Variants in COL4A2 observed in about 807,000 individuals in gnomAD.
COL4A2 encodes collagen alpha-2(IV) chain.
COL4A2 carries 99 observed loss-of-function variants against 200.2 expected under a neutral mutation model. That is an observed-to-expected ratio of 0.49 (90% confidence interval 0.42 to 0.58). The LOEUF (loss-of-function observed/expected upper bound fraction) is 0.58. Among genes scored for constraint, COL4A2 ranks in the 20% least tolerant of loss-of-function variants. The pLI is 0.00. For missense variants in COL4A2, 1,950 were observed against 2,314.1 expected (o/e 0.84, Z 3.23); for synonymous variants, 897 against 900.6 (o/e 1.00, Z 0.07).
chr13:110,319,431 C>G (rs912842068), intron 3 of COL4A2, among the ~76,000 whole-genome samples: 4 of 152,138 alleles, frequency 2.6e-5, no homozygotes, highest in Admixed American at 6.5e-5. Flanking sequence ...ACTCAAGAGG[C>G]TTTGGTTTGG....
chr13:110,320,570 A>G (rs1473273538), intron 3 of COL4A2, among the ~76,000 whole-genome samples: 3 of 152,244 alleles, frequency 2.0e-5, no homozygotes, highest in Non-Finnish European at 4.4e-5. Context: ...GTTCCAGAAC[A>G]AGGAATGGGA....
chr13:110,485,763 CCGGT>C lies in COL4A2; in HGVS notation c.3135_3138del (p.Gly1046CysfsTer20), dbSNP rs774700041. 1 of 1,613,938 alleles carries C rather than the reference CCGGT, an allele frequency of 6.2e-7. No individual in the cohort carries two copies. Among genetic ancestry groups the C allele is most frequent in the Non-Finnish European group, 8.5e-7 (1 of 1,179,948 alleles). On this transcript the variant is annotated frameshift_variant, in exon 34 of 48. Transcript: ENST00000360467. LOFTEE classifies it high-confidence loss of function. ...GGAGACATCGGAGTCCCCGGCATCC[CCGGT>C]TTGCCAGGATTCCCTGGGGTGGCTG...
rs142885589 is a variant in COL4A2, at chr13:110,331,183, G to A, written c.99+23060G>A. Among the ~76,000 whole-genome samples, 901 of 152,152 alleles carry A rather than the reference G, an allele frequency of 5.9e-3. 1 individual carries two copies. The highest frequency in any genetic ancestry group is 9.9e-3 in the Non-Finnish European group (670 of 68,010). On this transcript the variant is annotated intron_variant, in intron 3 of 47. Coordinates refer to ENST00000360467, the MANE Select transcript of COL4A2 (RefSeq NM_001846.4). ...GGTCTTAAAATATGCCAATAAAATC[G>A]TGTGATAGTGCCAGGCCATTGCAAA...
intron 3 of COL4A2, among the ~76,000 whole-genome samples, chr13:110,313,002 G>A (rs778668756): frequency 2.6e-4 from 39 of 152,278 alleles, no homozygotes; most frequent in Admixed American, 1.7e-3. Context: ...CGGGGTCTCC[G>A]CTGTGATGCT....
At chr13:110,330,325 T>C (rs1004497221) in intron 3 of COL4A2, among the ~76,000 whole-genome samples, 2 of 152,108 alleles carry the variant, frequency 1.3e-5, no homozygotes, top group African/African-American at 4.8e-5. Flanking sequence ...AAGATACTGC[T>C]GTAACACGAT....
rs1320481147 is a variant in COL4A2 at position 110,501,781 on chromosome 13, A to G, written c.3874A>G (p.Lys1292Glu). 6.2e-7 allele frequency: 1 copy of G among 1,613,168 alleles called. No homozygotes were observed. The highest frequency in any genetic ancestry group is 8.5e-7 in the Non-Finnish European group (1 of 1,179,458). Residue 1292 changes from lysine (K) to glutamate (E), a missense_variant, in exon 41 of 48, where the codon AAA (lysine) becomes GAA (glutamate). Around this residue, in one of 2 missense-constraint regions of COL4A2, gnomAD observed 1,385 missense variants for 1,720.5 expected, o/e 0.80. Transcript: ENST00000360467. ...AGGGGCGCCAGGGATATTTGGCCTG[A>G]AAGGTAAGCAGGACTTATACATCTG... is the stretch of plus-strand genomic sequence containing the variant. ...DKGAPGIFGLKGYRGPPGPPG... is the reference protein window; with the variant it reads ...DKGAPGIFGLEGYRGPPGPPG...
chr13:110,451,174 G>C (rs1453928008), intron 20 of COL4A2, among the ~76,000 whole-genome samples: 1 of 152,160 alleles, frequency 6.6e-6, no homozygotes, highest in Non-Finnish European at 1.5e-5. Flanking sequence ...ACCTGTCTCA[G>C]GCAGCAGGGA....
chr13:110,504,185 A>G lies in COL4A2; in HGVS notation c.4323A>G (p.Gly1441=). 6.2e-7 allele frequency: 1 copy of G among 1,614,124 alleles called. No individual in the cohort carries two copies. Among genetic ancestry groups the G allele is most frequent in the Non-Finnish European group, 8.5e-7 (1 of 1,180,006 alleles). ...CTCCAGGGAAAGCTGGGCCCCAAGG[A>G]AGAGGTGGTGTGTCTGCTGTTCCCG... ...RGAPGKAGPQ[G]RGGVSAVPGF... is the part of the protein sequence containing the mutation. Residue 1441 remains glycine, a synonymous_variant, in exon 45 of 48, where the codon GGA becomes GGG. Transcript: ENST00000360467.
chr13:110,441,965 A>G (rs1302821565), intron 16 of COL4A2, among the ~76,000 whole-genome samples: 1 of 151,674 alleles, frequency 6.6e-6, no homozygotes, highest in Non-Finnish European at 1.5e-5. Flanking sequence ...TCATGCCTAT[A>G]ATTCCAGCTA....
At chr13:110,379,723 G>C (rs544896927) in intron 4 of COL4A2, among the ~76,000 whole-genome samples, 1 of 152,138 alleles carries the variant, frequency 6.6e-6, no homozygotes, top group African/African-American at 2.4e-5. Context: ...TGGCACCACC[G>C]TGTTTTATCT....
chr13:110,424,634 T>TAAAAAAA, intron 4 of COL4A2, 100 bp from the exon 5 acceptor site: 1 of 725,746 alleles, frequency 1.4e-6, no homozygotes, highest in South Asian at 2.2e-5. Flanking sequence ...TATAGCTCTT[T>TAAAAAAA]AAAAACAAAA....
chr13:110,504,290 C>T (rs1883765735), intron 45 of COL4A2, 26 bp downstream of exon 45: 1 of 1,554,702 alleles, frequency 6.4e-7, no homozygotes, highest in South Asian at 1.1e-5. Context: ...GAAGGACCTT[C>T]CCAGGTCCTA....
At chr13:110,362,298 C>T (rs577151723) in intron 4 of COL4A2, among the ~76,000 whole-genome samples, 12 of 152,238 alleles carry the variant, frequency 7.9e-5, no homozygotes, top group East Asian at 3.9e-4. Flanking sequence ...ATGATAAGTT[C>T]GATTCATTGA....
chr13:110,345,444 G>A (rs1057358414), intron 3 of COL4A2, among the ~76,000 whole-genome samples: 6 of 152,174 alleles, frequency 3.9e-5, no homozygotes, highest in African/African-American at 1.4e-4. Flanking sequence ...TTCCTGGGAA[G>A]CAGTGGGGTG....
At chr13:110,398,540 G>C (rs1475168496) in intron 4 of COL4A2, among the ~76,000 whole-genome samples, 1 of 152,036 alleles carries the variant, frequency 6.6e-6, no homozygotes. Flanking sequence ...TTAGTTTAGT[G>C]GTTTTAGATT....
chr13:110,444,890 G>A (rs1446345620), intron 16 of COL4A2, among the ~76,000 whole-genome samples: 1 of 152,184 alleles, frequency 6.6e-6, no homozygotes, highest in African/African-American at 2.4e-5. Flanking sequence ...TTGCTGTGTT[G>A]CCCAGGCTGG....
Position 110,480,373 on chromosome 13 carries a change from G to A in COL4A2, c.2741G>A (p.Gly914Glu). ...TTTAAAGGAATTGATGGAATGCCTGGGACCCCCGGGCTAAAAGGTAATTGT... is the reference window on the plus strand; with the variant it reads ...TTTAAAGGAATTGATGGAATGCCTGAGACCCCCGGGCTAAAAGGTAATTGT... ...PGFKGIDGMP[G>E]TPGLKGDRGS... The change falls in exon 31 of 48, where the codon GGG becomes GAG. Residue 914 changes from glycine (G) to glutamate (E), a missense_variant. This residue lies in a region of COL4A2 where 1,385 missense variants were observed against 1,720.5 expected (regional missense o/e 0.80). Transcript: ENST00000360467. 1 of 1,612,076 alleles carries A rather than the reference G, an allele frequency of 6.2e-7. No homozygotes were observed. Among genetic ancestry groups the A allele is most frequent in the Non-Finnish European group, 8.5e-7 (1 of 1,179,196 alleles).
intron 3 of COL4A2, among the ~76,000 whole-genome samples, chr13:110,332,618 G>A (rs571901446): frequency 3.6e-4 from 55 of 152,340 alleles, no homozygotes; most frequent in African/African-American, 1.3e-3. Flanking sequence ...AGCACAGGCA[G>A]ATAGAGAGAA....
chr13:110,372,419 A>G (rs1878051671), intron 4 of COL4A2, among the ~76,000 whole-genome samples: 1 of 152,200 alleles, frequency 6.6e-6, no homozygotes. Flanking sequence ...AGGAATGGGG[A>G]AATGAGAAGT....
Sources: allele counts gnomAD v4.1 joint callset (sites outside exome capture counted in the v4.1 genomes callset), GRCh38; gene constraint gnomAD v4.1.1; regional missense constraint gnomAD v4.1.1; transcripts MANE v1.5; gene names NCBI Gene and HGNC (gene_info 2026-07-23, HGNC 2026-07-21).